Variants in DMD observed in about 807,000 individuals in gnomAD.
DMD encodes the protein mutant dystrophin.
A neutral mutation model predicts 330.1 loss-of-function variants in DMD; 63 were observed. That is an observed-to-expected ratio of 0.19 (90% CI 0.16 to 0.24). DMD has a LOEUF of 0.24. Ranked by LOEUF, DMD falls within the 10% of genes least tolerant of loss-of-function variation. The pLI is 1.00. For synonymous variants in DMD, 1,223 were observed against 959.8 expected (o/e 1.27, Z -5.07); for missense variants, 3,344 against 2,684.1 (o/e 1.25, Z -5.43).
At chrX:32,516,459 T>A (rs1201456982) in intron 18 of DMD, 1 of 111,604 alleles carries the variant, frequency 9.0e-6, no homozygotes, top group East Asian at 2.8e-4. Flanking sequence ...CCGCTATTGA[T>A]AAAATGCAAA....
At chrX:32,406,812 A>C (rs1379525427) in intron 30 of DMD, among the ~76,000 whole-genome samples, 1 of 111,683 alleles carries the variant, frequency 9.0e-6, no homozygotes, top group Non-Finnish European at 1.9e-5. Flanking sequence ...GCCCTCATAA[A>C]TAATGCCACA....
intron 7 of DMD, among the ~76,000 whole-genome samples, chrX:32,782,492 T>C (rs1208590170): frequency 9.0e-6 from 1 of 111,048 alleles, no homozygotes; most frequent in Admixed American, 9.6e-5. Context: ...TGCTAGATGA[T>C]TGTGTGTAAA....
chrX:31,323,039 T>A (rs747867227), intron 62 of DMD, among the ~76,000 whole-genome samples: 12 of 112,072 alleles, frequency 1.1e-4, no homozygotes, highest in Non-Finnish European at 2.1e-4. Flanking sequence ...GCACTCGTAT[T>A]CTTTTGACTG....
intron 49 of DMD, among the ~76,000 whole-genome samples, chrX:31,827,537 G>T (rs2092919046): frequency 9.0e-6 from 1 of 111,597 alleles, no homozygotes; most frequent in Admixed American, 9.5e-5. Context: ...ACTTAACAAA[G>T]AAACAATGGA....
chrX:31,233,741 C>T (rs777036033), intron 63 of DMD, among the ~76,000 whole-genome samples: 9 of 111,729 alleles, frequency 8.1e-5, no homozygotes, highest in East Asian at 2.8e-4. Flanking sequence ...TTGGCCTTAC[C>T]GCCGTCTCGG....
chrX:32,431,101 T>C (rs562555249), intron 29 of DMD, among the ~76,000 whole-genome samples: 2 of 111,363 alleles, frequency 1.8e-5, no homozygotes, highest in East Asian at 2.8e-4. Context: ...CTGGATCATA[T>C]AGTAATTCTA....
intron 43 of DMD, among the ~76,000 whole-genome samples, chrX:32,261,921 T>C (rs1235619123): frequency 8.9e-6 from 1 of 111,922 alleles, no homozygotes; most frequent in African/African-American, 3.2e-5. Context: ...TAAATTATAA[T>C]ATTAAATTAT....
intron 2 of DMD, among the ~76,000 whole-genome samples, chrX:32,908,837 A>C (rs2086950625): frequency 1.8e-5 from 2 of 111,539 alleles, no homozygotes; most frequent in Admixed American, 9.6e-5. Context: ...GTGTCATGCC[A>C]ATTATGTGAA....
intron 2 of DMD, among the ~76,000 whole-genome samples, chrX:32,969,892 T>C (rs1252112811): frequency 1.1e-5 from 1 of 95,054 alleles, no homozygotes; most frequent in Non-Finnish European, 2.0e-5. Flanking sequence ...AGAAAACCCA[T>C]GTCCATCTAA....
chrX:32,532,170 C>A (rs2047544080), intron 17 of DMD, among the ~76,000 whole-genome samples: 1 of 111,658 alleles, frequency 9.0e-6, no homozygotes. Context: ...GGAAATTCCA[C>A]TTATTTTTGA....
chrX:32,511,527 A>G (rs1569565049), intron 18 of DMD, among the ~76,000 whole-genome samples: 6 of 102,699 alleles, frequency 5.8e-5, no homozygotes, highest in Admixed American at 3.1e-4. Flanking sequence ...GTCTCGGGAA[A>G]AAAAAAAAAA....
chrX:32,509,141 G>C (rs1431921171), intron 18 of DMD, among the ~76,000 whole-genome samples: 1 of 103,176 alleles, frequency 9.7e-6, no homozygotes, highest in Admixed American at 1.1e-4. Context: ...GAGATGATGA[G>C]AGTACCTTGT....
chrX:32,641,100 G>A (rs191548253), intron 11 of DMD, among the ~76,000 whole-genome samples: 1 of 111,052 alleles, frequency 9.0e-6, no homozygotes, highest in Admixed American at 9.7e-5. Flanking sequence ...GTACCTTCTT[G>A]TCATTCAAAT....
At chrX:31,862,123 A>AAT (rs2093717301) in intron 48 of DMD, among the ~76,000 whole-genome samples, 1 of 110,456 alleles carries the variant, frequency 9.1e-6, no homozygotes, top group African/African-American at 3.3e-5. Flanking sequence ...CTATTCAATA[A>AAT]ATAAACAAAA....
At chrX:31,922,771 A>G (rs6527132) in intron 47 of DMD, among the ~76,000 whole-genome samples, 27,344 of 111,154 alleles carry the variant, frequency 0.25, 2,568 homozygotes, top group Non-Finnish European at 0.28. Flanking sequence ...AATTTTCCAT[A>G]CACAGCGTAA....
At position 32,867,611 on chromosome X, in the gene DMD, T is replaced by C. The variant is rs913169074; in HGVS notation, c.94-17791A>G. Among the ~76,000 whole-genome samples, 4 of 112,106 alleles carry C rather than the reference T, an allele frequency of 3.6e-5. No individual in the cohort carries two copies. The East Asian group carries it at 1.1e-3, about 32-fold the overall frequency. On this transcript the variant is annotated intron_variant, in intron 2 of 78. Transcript: ENST00000357033. Reference sequence around the variant, plus strand: ...GTGATTCATCTTTATCAGCAAACATTTGCTAATTGTAAACAATCCTGTACA... The same window carrying C: ...GTGATTCATCTTTATCAGCAAACATCTGCTAATTGTAAACAATCCTGTACA...
In DMD at chrX:33,246,075, T is replaced by C. The variant is rs2052658925; in HGVS notation, c.7+93184A>G. 1.8e-5 allele frequency among the ~76,000 whole-genome samples: 2 copies of C among 112,252 alleles called. 1 individual carries two copies. The highest frequency in any genetic ancestry group is 1.9e-4 in the Admixed American group (2 of 10,567). On this transcript the variant is annotated intron_variant, in intron 1 of 17. Transcript: ENST00000288447. ...TAATGAAATGTAGTACATATCCCCA[T>C]TGGTTGTGACCTAATCGTTTTTAAA...
At chrX:31,419,103 C>G (rs969190110) in intron 60 of DMD, among the ~76,000 whole-genome samples, 1 of 108,956 alleles carries the variant, frequency 9.2e-6, no homozygotes, top group African/African-American at 3.4e-5. Flanking sequence ...ACCACCACAC[C>G]TGGCTAATTT....
In DMD at chrX:31,814,211, G is replaced by A. The variant is rs750766215; in HGVS notation, c.7309+5764C>T. Reference sequence around the variant, plus strand: ...ACTAGAAAACTCTGGGCCGGGCGCGGTGGCTCACGCCTGTAATCCCAGCAC... The same window carrying A: ...ACTAGAAAACTCTGGGCCGGGCGCGATGGCTCACGCCTGTAATCCCAGCAC... On this transcript the variant is annotated intron_variant, in intron 50 of 78. Coordinates refer to ENST00000357033, the MANE Select transcript of DMD (RefSeq NM_004006.3). Among the ~76,000 whole-genome samples, 39 of 110,003 alleles carry A rather than the reference G, an allele frequency of 3.5e-4. No homozygotes were observed. In the East Asian group the frequency reaches 0.011, roughly 30 times the overall value.
Sources: allele counts gnomAD v4.1 joint callset (sites outside exome capture counted in the v4.1 genomes callset), GRCh38; gene constraint gnomAD v4.1.1; transcripts MANE v1.5; gene names NCBI Gene and HGNC (gene_info 2026-07-23, HGNC 2026-07-21).